The following GRAMD1B variants were observed in gnomAD, a reference collection of about 807,000 sequenced individuals.
The protein encoded by GRAMD1B is protein Aster-B.
Under a neutral mutation model 99.7 loss-of-function variants are expected in GRAMD1B, and 37 were observed. That is an observed-to-expected ratio of 0.37 (90% CI 0.29 to 0.49). The LOEUF is 0.49. Among genes scored for constraint, GRAMD1B ranks in the 20% least tolerant of loss-of-function variants. GRAMD1B has a pLI of 0.98. For missense variants in GRAMD1B, 888 were observed against 1,009.2 expected, an observed-to-expected ratio of 0.88 and a Z score of 1.63; for synonymous variants, 427 against 387.6, an observed-to-expected ratio of 1.10 and a Z score of -1.19.
chr11:123,383,704 C>T (rs1946962514), intron 1 of GRAMD1B, among the ~76,000 whole-genome samples: 1 of 151,884 alleles, frequency 6.6e-6, no homozygotes, highest in Non-Finnish European at 1.5e-5. Flanking sequence ...CTTAAATACA[C>T]ATCTCCCTGA....
intron 1 of GRAMD1B, among the ~76,000 whole-genome samples, chr11:123,377,861 C>T (rs909843470): frequency 4.6e-5 from 7 of 152,230 alleles, no homozygotes; most frequent in Non-Finnish European, 1.0e-4. Context: ...AATGGATCGC[C>T]TTCCACCACC....
intron 1 of GRAMD1B, among the ~76,000 whole-genome samples, chr11:123,394,041 A>G (rs1316627955): frequency 6.6e-6 from 1 of 152,190 alleles, no homozygotes. Context: ...TTGCACTCTG[A>G]TTTTTAAAAA....
intron 3 of GRAMD1B, 58 bp downstream of exon 3, chr11:123,577,635 T>G (rs1948866137): frequency 7.6e-7 from 1 of 1,314,106 alleles, no homozygotes; most frequent in Non-Finnish European, 1.1e-6. Context: ...GGAGCGATAT[T>G]GGGGTGGTGA....
intron 2 of GRAMD1B, among the ~76,000 whole-genome samples, chr11:123,548,291 AATATATATATATATAT>A (rs139996126): frequency 0.095 from 7,153 of 75,284 alleles, 372 homozygotes; most frequent in Non-Finnish European, 0.1. Context: ...GCTGTGCCAA[AATATATATATATATAT>A]ATATATATAT....
At chr11:123,618,406 A>G in intron 17 of GRAMD1B, 1 of 1,553,502 alleles carries the variant, frequency 6.4e-7, no homozygotes, top group Non-Finnish European at 8.9e-7. Flanking sequence ...TTTCCTCCCC[A>G]CCGTACCTCT....
At chr11:123,613,374 C>A in intron 15 of GRAMD1B, 81 bp from the exon 16 acceptor site, 1 of 1,063,180 alleles carries the variant, frequency 9.4e-7, no homozygotes, top group Non-Finnish European at 1.4e-6. Context: ...TCCCAGAATA[C>A]AGAATAGGAA....
At chr11:123,588,129 G>C (rs1278859147) in intron 4 of GRAMD1B, among the ~76,000 whole-genome samples, 1 of 151,956 alleles carries the variant, frequency 6.6e-6, no homozygotes, top group Non-Finnish European at 1.5e-5. Context: ...AGATTTGGCT[G>C]TAAGGTCAGA....
intron 2 of GRAMD1B, among the ~76,000 whole-genome samples, chr11:123,481,752 C>T (rs527821354): frequency 1.3e-5 from 2 of 152,246 alleles, no homozygotes; most frequent in African/African-American, 4.8e-5. Context: ...TCATGCAGTG[C>T]CTGTGAATTG....
At position 123,577,370 on chromosome 11, in the gene GRAMD1B, T is replaced by G. The variant is rs1333761740; in HGVS notation, c.456T>G (p.Thr152=). 1 of 1,581,422 alleles carries G rather than the reference T, an allele frequency of 6.3e-7. No homozygotes were observed. The highest frequency in any genetic ancestry group is 1.8e-5 in the Admixed American group (1 of 54,806). The change falls in exon 3 of 20, where the codon ACT becomes ACG. Residue 152 remains threonine, a synonymous_variant. Transcript: ENST00000635736. Reference sequence around the variant, plus strand: ...CTCTCTCCATCTGCCGCTGCAGCACTGCCAGTAACTCCAACCGCAGCACGC... The same window carrying G: ...CTCTCTCCATCTGCCGCTGCAGCACGGCCAGTAACTCCAACCGCAGCACGC... ...FLSPRAREES[T]ASNSNRSTPA... is the part of the protein sequence containing the mutation.
chr11:123,589,082 G>A (rs781374705), intron 4 of GRAMD1B, among the ~76,000 whole-genome samples: 3 of 151,766 alleles, frequency 2.0e-5, no homozygotes, highest in Non-Finnish European at 2.9e-5. Flanking sequence ...TGACCGGAAT[G>A]TGTCACATGA....
At chr11:123,480,695 G>A (rs1307707365) in intron 1 of GRAMD1B, 121 bp from the exon 2 acceptor site, 19 of 394,978 alleles carry the variant, frequency 4.8e-5, no homozygotes, top group Admixed American at 8.9e-5. Flanking sequence ...CTTACTTGGG[G>A]GAACTTGTAT....
chr11:123,594,721 C>A lies in GRAMD1B; in HGVS notation c.770-14C>A. ...TCCTGCCTCTGAGCTCCCCTACCTC[C>A]GCTCCTACCACAGATTACTCATGTG... On this transcript the variant is annotated splice_polypyrimidine_tract_variant and intron_variant, in intron 5 of 19. Transcript: ENST00000635736. The A allele has an allele frequency of 7.2e-7, 1 of 1,394,764 alleles. No homozygotes were observed. Among genetic ancestry groups the A allele is most frequent in the Non-Finnish European group, 1.0e-6 (1 of 979,482 alleles). The allele number at this position is 1,394,764 out of a possible 1,614,324, so 86.4% of individuals were successfully genotyped here.
chr11:123,566,749 G>A (rs1046704334), intron 2 of GRAMD1B, among the ~76,000 whole-genome samples: 22 of 151,610 alleles, frequency 1.5e-4, no homozygotes, highest in African/African-American at 5.1e-4. Context: ...CTGGGAGACA[G>A]AGCGAGACTC....
At chr11:123,426,822 T>C (rs183488996), upstream of GRAMD1B, among the ~76,000 whole-genome samples, 477 of 152,342 alleles carry the variant, frequency 3.1e-3, 2 homozygotes, top group African/African-American at 0.01. Flanking sequence ...GAAGCTACTA[T>C]GTTTCACTAA....
chr11:123,549,261 G>A (rs1310887703), intron 2 of GRAMD1B, among the ~76,000 whole-genome samples: 1 of 152,070 alleles, frequency 6.6e-6, no homozygotes, highest in Non-Finnish European at 1.5e-5. Context: ...AATGATTGTG[G>A]GGGCCGGGCG....
At position 123,591,888 on chromosome 11, in the gene GRAMD1B, CT is replaced by C. The variant is rs1348532276; in HGVS notation, c.685-2193del. 6.6e-6 allele frequency among the ~76,000 whole-genome samples: 1 copy of C among 152,202 alleles called. No individual in the cohort carries two copies. Among genetic ancestry groups the C allele is most frequent in the Non-Finnish European group, 1.5e-5 (1 of 68,040 alleles). On this transcript the variant is annotated intron_variant, in intron 4 of 19. Coordinates refer to ENST00000635736, the MANE Select transcript of GRAMD1B (RefSeq NM_001387025.1). This position sits in a 1 kb window ranked among gnomAD's most constrained non-coding sequence, Gnocchi z 4.7. Reference sequence around the variant, plus strand: ...AGGCCAGGGCTGGATTCACTCTCCCCTCTCCCTGCCACTGCTACAGCTTTGT... The same window carrying C: ...AGGCCAGGGCTGGATTCACTCTCCCCCTCCCTGCCACTGCTACAGCTTTGT...
chr11:123,487,532 C>CG (rs1310432240), intron 2 of GRAMD1B, among the ~76,000 whole-genome samples: 2 of 152,304 alleles, frequency 1.3e-5, no homozygotes, highest in Non-Finnish European at 1.5e-5. Context: ...CCTGGTCATG[C>CG]CACGTCCTGC....
At chr11:123,566,569 A>G (rs543605349) in intron 2 of GRAMD1B, among the ~76,000 whole-genome samples, 2 of 152,298 alleles carry the variant, frequency 1.3e-5, no homozygotes, top group South Asian at 4.1e-4. Flanking sequence ...GATCGAGACC[A>G]TCCTGGCTAA....
chr11:123,526,538 C>G (rs1449125296), intron 2 of GRAMD1B, among the ~76,000 whole-genome samples: 1 of 152,178 alleles, frequency 6.6e-6, no homozygotes. Flanking sequence ...GCGTCTGCAT[C>G]AGGCTGGGGG....
Sources: allele counts gnomAD v4.1 joint callset (sites outside exome capture counted in the v4.1 genomes callset), GRCh38; gene constraint gnomAD v4.1.1; non-coding constraint Gnocchi (gnomAD v3.1); transcripts MANE v1.5; gene names NCBI Gene and HGNC (gene_info 2026-07-23, HGNC 2026-07-21).